Variants in SKI observed in about 807,000 individuals in gnomAD.
The protein encoded by SKI is ski oncogene.
Under a neutral mutation model 59.3 loss-of-function variants are expected in SKI, and 23 were observed. The ratio of observed to expected loss-of-function variants is 0.39; its 90% CI spans 0.28 to 0.55. The LOEUF (loss-of-function observed/expected upper bound fraction) is 0.55. Ranked by LOEUF, SKI falls within the 20% of genes least tolerant of loss-of-function variation. The pLI is 0.67. For synonymous variants in SKI, 673 were observed against 488.6 expected (o/e 1.38, Z -4.98); for missense variants, 1,017 against 1,038.9 (o/e 0.98, Z 0.29).
Position 2,229,756 on chromosome 1 carries a change from G to A in SKI, c.969+21G>A, listed in dbSNP as rs1164552940. ...CCCGGGTGAGTGGCCCCAGGCCTGG[G>A]AGCTGGGGAGGATGCGCTTGGGGTG... On this transcript the variant is annotated intron_variant, in intron 1 of 6. Coordinates refer to ENST00000378536, the MANE Select transcript of SKI (RefSeq NM_003036.4). The surrounding 1 kb of genome is among the most constrained non-coding windows in gnomAD (Gnocchi z 6.3). 3.9e-6 allele frequency: 6 copies of A among 1,551,662 alleles called. No homozygotes were observed. The highest frequency in any genetic ancestry group is 5.2e-6 in the Non-Finnish European group (6 of 1,147,796).
intron 1 of SKI, among the ~76,000 whole-genome samples, chr1:2,230,634 A>C (rs998142585): frequency 4.6e-5 from 7 of 152,168 alleles, no homozygotes; most frequent in Admixed American, 3.9e-4. Context: ...CGGCATGGGC[A>C]GCTCCCAGGC....
intron 1 of SKI, among the ~76,000 whole-genome samples, chr1:2,243,659 C>T (rs1638926656): frequency 6.6e-6 from 1 of 152,184 alleles, no homozygotes. Flanking sequence ...TCCAAAGCGT[C>T]CCAACACTCC....
At position 2,229,778 on chromosome 1, in the gene SKI, G is replaced by T. The variant is rs1476826409; in HGVS notation, c.969+43G>T. ...TGGGAGCTGGGGAGGATGCGCTTGG[G>T]GTGGGGGCCCCTTCTGGACTACAGG... On this transcript the variant is annotated intron_variant, in intron 1 of 6. Coordinates refer to ENST00000378536, the MANE Select transcript of SKI (RefSeq NM_003036.4). The surrounding 1 kb of genome is among the most constrained non-coding windows in gnomAD (Gnocchi z 6.3). 1.3e-6 allele frequency: 2 copies of T among 1,549,822 alleles called. No homozygotes were observed. The highest frequency in any genetic ancestry group is 4.9e-5 in the East Asian group (2 of 40,914).
intron 1 of SKI, among the ~76,000 whole-genome samples, chr1:2,239,107 C>T (rs1638811263): frequency 6.6e-6 from 1 of 152,230 alleles, no homozygotes; most frequent in Admixed American, 6.5e-5. Flanking sequence ...AAAAATTATA[C>T]TACCAAGTTG....
At chr1:2,284,773 G>C (rs1203217789) in intron 1 of SKI, among the ~76,000 whole-genome samples, 5 of 152,206 alleles carry the variant, frequency 3.3e-5, no homozygotes, top group Non-Finnish European at 7.3e-5. Context: ...CGGCGTGGCT[G>C]TAAGAATGAC....
intron 1 of SKI, among the ~76,000 whole-genome samples, chr1:2,277,908 C>T (rs1223148803): frequency 2.6e-5 from 4 of 152,078 alleles, no homozygotes; most frequent in Admixed American, 6.5e-5. Flanking sequence ...TCAACGCACT[C>T]GTCAGGACCC....
At chr1:2,245,503 T>C (rs765858284) in intron 1 of SKI, among the ~76,000 whole-genome samples, 15 of 151,802 alleles carry the variant, frequency 9.9e-5, no homozygotes, top group African/African-American at 1.2e-4. Context: ...GACAGCATCT[T>C]GCTCTGTTGC....
chr1:2,241,386 A>T (rs1197425245), intron 1 of SKI, among the ~76,000 whole-genome samples: 1 of 151,524 alleles, frequency 6.6e-6, no homozygotes, highest in Admixed American at 6.6e-5. Context: ...TTTGAGGGGG[A>T]GGGATTGTAA....
At chr1:2,246,601 C>A (rs1484226643) in intron 1 of SKI, among the ~76,000 whole-genome samples, 1 of 152,178 alleles carries the variant, frequency 6.6e-6, no homozygotes, top group Non-Finnish European at 1.5e-5. Context: ...GTGTGCAGCG[C>A]TGTCTGCAAG....
intron 1 of SKI, among the ~76,000 whole-genome samples, chr1:2,287,970 C>CTT (rs1640079687): frequency 6.6e-6 from 1 of 152,032 alleles, no homozygotes; most frequent in Non-Finnish European, 1.5e-5. Context: ...TCTCGTCTGT[C>CTT]TTTTTTCTTT....
rs1213820281 is a variant in SKI at position 2,269,444 on chromosome 1, T to TC, written c.970-33530dup. ...GCCAAGCGGACACTGCGGGACACGT[T>TC]CCCCAACGTGGGATGTCCGTCCTCA... On this transcript the variant is annotated intron_variant, in intron 1 of 6. Coordinates refer to ENST00000378536, the MANE Select transcript of SKI (RefSeq NM_003036.4). This position sits in a 1 kb window ranked among gnomAD's most constrained non-coding sequence, Gnocchi z 4.7. 1.3e-5 allele frequency among the ~76,000 whole-genome samples: 2 copies of TC among 152,250 alleles called. No individual in the cohort carries two copies. The highest frequency in any genetic ancestry group is 4.8e-5 in the African/African-American group (2 of 41,466).
intron 6 of SKI, 75 bp from the exon 7 acceptor site, chr1:2,306,502 C>G (rs955732689): frequency 6.9e-7 from 1 of 1,448,490 alleles, no homozygotes; most frequent in Non-Finnish European, 9.3e-7. Context: ...GCGCAGGAGC[C>G]TCGGGTGGGG....
intron 6 of SKI, 110 bp downstream of exon 6, chr1:2,306,360 CG>C: frequency 8.7e-7 from 1 of 1,147,820 alleles, no homozygotes. Context: ...AAGCCAGGCC[CG>C]GGACCACGTT....
intron 1 of SKI, among the ~76,000 whole-genome samples, chr1:2,295,865 G>A (rs1640273427): frequency 6.6e-6 from 1 of 152,186 alleles, no homozygotes; most frequent in South Asian, 2.1e-4. Flanking sequence ...TGCTTGGGTG[G>A]CTGCACTTTG....
chr1:2,255,004 G>A (rs565662710), intron 1 of SKI, among the ~76,000 whole-genome samples: 129 of 152,298 alleles, frequency 8.5e-4, no homozygotes, highest in Non-Finnish European at 1.8e-3. Context: ...GGTGCGTGCT[G>A]TGGACTGGCA....
chr1:2,229,356 C>T lies in SKI; in HGVS notation c.590C>T (p.Pro197Leu), dbSNP rs749291332. ...NALLYGGAYP[P>L]PCKKELAASL... is the part of the protein sequence containing the mutation. The stretch of plus-strand genomic sequence containing the variant: ...CTGCTCTACGGCGGCGCCTACCCGC[C>T]GCCCTGCAAGAAGGAGCTGGCCGCC... The change falls in exon 1 of 7, where the codon CCG becomes CTG. Residue 197 changes from proline to leucine, a missense_variant. Coordinates refer to ENST00000378536, the MANE Select transcript of SKI (RefSeq NM_003036.4). The surrounding 1 kb of genome is among the most constrained non-coding windows in gnomAD (Gnocchi z 6.3). 2 of 1,597,536 alleles carry T rather than the reference C, an allele frequency of 1.3e-6. No homozygotes were observed. The highest frequency in any genetic ancestry group is 1.7e-6 in the Non-Finnish European group (2 of 1,172,438).
chr1:2,239,827 T>C (rs1638827766), intron 1 of SKI, among the ~76,000 whole-genome samples: 1 of 152,196 alleles, frequency 6.6e-6, no homozygotes, highest in Non-Finnish European at 1.5e-5. Flanking sequence ...GGCGTCCCAG[T>C]GTGCCTGGGC....
intron 1 of SKI, among the ~76,000 whole-genome samples, chr1:2,251,423 C>T (rs906592110): frequency 2.0e-5 from 3 of 152,220 alleles, no homozygotes; most frequent in Non-Finnish European, 4.4e-5. Flanking sequence ...CTCCCTCCCC[C>T]TGCCCCAGCC....
intron 1 of SKI, among the ~76,000 whole-genome samples, chr1:2,246,899 G>C (rs1175913167): frequency 2.6e-5 from 4 of 152,220 alleles, no homozygotes; most frequent in African/African-American, 9.7e-5. Context: ...TGGCCAGGCT[G>C]CTTCTGCTTT....
Sources: gnomAD v4.1 joint callset for allele counts (sites outside exome capture counted in the v4.1 genomes callset) on GRCh38, gnomAD v4.1.1 for gene constraint, Gnocchi (gnomAD v3.1) non-coding constraint, MANE v1.5 for transcripts, NCBI Gene and HGNC (gene_info 2026-07-23, HGNC 2026-07-21) for gene names.